DBH: variants seen among roughly 807,000 people sequenced by gnomAD.
DBH encodes dopamine beta-hydroxylase (dopamine beta-monooxygenase).
DBH carries 49 observed loss-of-function variants against 64.0 expected under a neutral mutation model. That is an observed-to-expected ratio of 0.77 (90% CI 0.61 to 0.97). DBH has a LOEUF of 0.97. Among genes scored for constraint, DBH ranks in the 50% least tolerant of loss-of-function variants. The pLI is 0.00. For synonymous variants in DBH, 343 were observed against 347.1 expected (o/e 0.99, Z 0.13); for missense variants, 828 against 826.6 (o/e 1.00, Z -0.02).
At chr9:133,641,762 G>A (rs1184962078) in intron 2 of DBH, among the ~76,000 whole-genome samples, 4 of 152,174 alleles carry the variant, frequency 2.6e-5, no homozygotes, top group Admixed American at 6.5e-5. Context: ...GCAGCTCAGC[G>A]TGACCATCAG....
At chr9:133,637,984 G>A (rs1832072336) in intron 1 of DBH, among the ~76,000 whole-genome samples, 2 of 152,200 alleles carry the variant, frequency 1.3e-5, no homozygotes, top group South Asian at 2.1e-4. Flanking sequence ...GAACCCCATC[G>A]CTGACAGTTT....
chr9:133,649,196 G>A (rs1051985316), intron 6 of DBH, among the ~76,000 whole-genome samples: 1 of 152,038 alleles, frequency 6.6e-6, no homozygotes, highest in Non-Finnish European at 1.5e-5. Context: ...TCCTATGCTC[G>A]GTTTTTCCAG....
rs1211498915 is a variant in DBH, at chr9:133,648,021, G to A, written c.1191+9G>A. Reference sequence around the variant, plus strand: ...ACAAGTGCACCCAGCTGGTGAGTGGGGCTGGGCCCGGCACTGCACCCTCCC... The same window carrying A: ...ACAAGTGCACCCAGCTGGTGAGTGGAGCTGGGCCCGGCACTGCACCCTCCC... On this transcript the variant is annotated intron_variant, in intron 6 of 11. Coordinates refer to ENST00000393056, the MANE Select transcript of DBH (RefSeq NM_000787.4). 2 of 1,608,276 alleles carry A rather than the reference G, an allele frequency of 1.2e-6. No homozygotes were observed. Among genetic ancestry groups the A allele is most frequent in the Admixed American group, 1.7e-5 (1 of 59,626 alleles).
At chr9:133,648,814 C>T (rs969276660) in intron 6 of DBH, among the ~76,000 whole-genome samples, 1 of 152,248 alleles carries the variant, frequency 6.6e-6, no homozygotes, top group African/African-American at 2.4e-5. Context: ...GCTGAACTGT[C>T]TCCCTATCAA....
intron 5 of DBH, among the ~76,000 whole-genome samples, chr9:133,644,973 A>ACG (rs1832165724): frequency 1.3e-5 from 2 of 151,826 alleles, no homozygotes; most frequent in Non-Finnish European, 2.9e-5. Flanking sequence ...ACACATGCAC[A>ACG]CATGTACACA....
At chr9:133,641,295 G>A (rs1832113480) in intron 2 of DBH, among the ~76,000 whole-genome samples, 1 of 152,224 alleles carries the variant, frequency 6.6e-6, no homozygotes. Context: ...CAGACCTGGT[G>A]CCAGAAGAGG....
intron 9 of DBH, 114 bp from the exon 10 acceptor site, chr9:133,656,409 C>T (rs932295678): frequency 2.6e-5 from 37 of 1,437,006 alleles, no homozygotes; most frequent in Middle Eastern, 1.7e-4. Context: ...ATGCCTGGCA[C>T]GGTGCAGTGA....
intron 2 of DBH, 95 bp from the exon 3 acceptor site, chr9:133,642,112 G>A (rs1832122609): frequency 6.6e-7 from 1 of 1,520,428 alleles, no homozygotes; most frequent in African/African-American, 1.4e-5. Context: ...TGTGTCACCT[G>A]GTAGGTGTGG....
At position 133,642,227 on chromosome 9, in the gene DBH, C is replaced by T. The variant is rs1273249884; in HGVS notation, c.507C>T (p.Val169=). 1.4e-5 allele frequency: 23 copies of T among 1,613,474 alleles called. No individual in the cohort carries two copies. Among genetic ancestry groups the T allele is most frequent in the East Asian group, 2.2e-5 (1 of 44,874 alleles). The change falls in exon 3 of 12, where the codon GTC becomes GTT. Residue 169 remains valine, a synonymous_variant. Coordinates refer to ENST00000393056, the MANE Select transcript of DBH (RefSeq NM_000787.4). ...TGCAGGACGGCACTGTCCACTTGGT[C>T]TACGGGATCCTGGAGGAGCCGTTCC... The part of the protein sequence containing the change: ...YLIEDGTVHL[V]YGILEEPFRS...
In DBH at chr9:133,656,370, T is replaced by G. The variant is rs984258820; in HGVS notation, c.1435-153T>G. ...CTCTCCTGCCAATGGTGGCAATTCC[T>G]TGAGGGCAGGGACTCGGTTCCCCAG... On this transcript the variant is annotated intron_variant, in intron 9 of 11. Coordinates refer to ENST00000393056, the MANE Select transcript of DBH (RefSeq NM_000787.4). 52 of 1,008,176 alleles carry G rather than the reference T, an allele frequency of 5.2e-5. No homozygotes were observed. In the African/African-American group the frequency reaches 7.1e-4, roughly 14 times the overall value. The allele number at this position is 1,008,176 out of a possible 1,614,324, so 62.5% of individuals were successfully genotyped here.
intron 2 of DBH, among the ~76,000 whole-genome samples, chr9:133,641,130 T>G (rs537580965): frequency 2.2e-4 from 33 of 152,286 alleles, no homozygotes; most frequent in African/African-American, 7.9e-4. Flanking sequence ...TGTAAACAAC[T>G]CTGGCCATCT....
chr9:133,644,844 T>A (rs763619551), intron 5 of DBH, among the ~76,000 whole-genome samples: 1 of 152,292 alleles, frequency 6.6e-6, no homozygotes, highest in Admixed American at 6.5e-5. Context: ...GCTTTTAGCA[T>A]GGCAAGGCCA....
At chr9:133,652,840 G>T in intron 8 of DBH, 100 bp from the exon 9 acceptor site, 1 of 814,116 alleles carries the variant, frequency 1.2e-6, no homozygotes, top group South Asian at 1.4e-5. Flanking sequence ...CCCCAGAGGT[G>T]CCGTGGCATG....
Position 133,652,229 on chromosome 9 carries a change from G to A in DBH, c.1336-17G>A, listed in dbSNP as rs748265833. 12 of 1,613,762 alleles carry A rather than the reference G, an allele frequency of 7.4e-6. No homozygotes were observed. The highest frequency in any genetic ancestry group is 1.3e-5 in the African/African-American group (1 of 75,024). On this transcript the variant is annotated splice_polypyrimidine_tract_variant and intron_variant, in intron 7 of 11. Transcript: ENST00000393056. ...TGAGGTCTCCTCTCCCCCACCCCTC[G>A]GCTCTGCCTGCCCCAGGAGATCCGC...
intron 5 of DBH, 39 bp from the exon 6 acceptor site, chr9:133,647,807 C>T: frequency 6.2e-7 from 1 of 1,613,212 alleles, no homozygotes. Context: ...AGAGGGCCTC[C>T]ACTTACCGCT....
At chr9:133,654,137 C>G (rs374491421) in intron 9 of DBH, among the ~76,000 whole-genome samples, 5 of 118,664 alleles carry the variant, frequency 4.2e-5, no homozygotes, top group African/African-American at 1.7e-4. Context: ...TTTTTTGAGA[C>G]GGAGTCTCGC....
intron 2 of DBH, among the ~76,000 whole-genome samples, chr9:133,641,395 G>A (rs552336176): frequency 2.0e-5 from 3 of 152,294 alleles, no homozygotes; most frequent in Admixed American, 1.3e-4. Context: ...CACCTCACAG[G>A]GGGAGGCCAA....
Position 133,658,331 on chromosome 9 carries a change from C to A in DBH, c.1738C>A (p.Gln580Lys), listed in dbSNP as rs764307266. 1 of 1,613,814 alleles carries A rather than the reference C, an allele frequency of 6.2e-7. No individual in the cohort carries two copies. The highest frequency in any genetic ancestry group is 1.1e-5 in the South Asian group (1 of 91,064). Residue 580 changes from glutamine (Q) to lysine (K), a missense_variant, in exon 12 of 12, where the codon CAG (glutamine) becomes AAG (lysine). Gln to Lys is a moderately conservative substitution (Grantham distance 53). Coordinates refer to ENST00000393056, the MANE Select transcript of DBH (RefSeq NM_000787.4). ...TTCCTTGCAGGGTGAATGGAACCTG[C>A]AGCCCCTGCCCAAGGTCATCTCCAC... is the stretch of plus-strand genomic sequence containing the variant. ...AVRFQGEWNL[Q>K]PLPKVISTLE...
rs1832148036 is a variant in DBH, at chr9:133,643,958, A to G, written c.922-260A>G. ...CGATGGGGGTCTCCCCAGCTCTTAC[A>G]CCCGTCTAGAGAAGGGGTTTTGGGG... On this transcript the variant is annotated intron_variant, in intron 4 of 11. Transcript: ENST00000393056. This position sits in a 1 kb window ranked among gnomAD's most constrained non-coding sequence, Gnocchi z 5.3. 1.3e-5 allele frequency among the ~76,000 whole-genome samples: 2 copies of G among 151,890 alleles called. No homozygotes were observed. The highest frequency in any genetic ancestry group is 1.3e-4 in the Admixed American group (2 of 15,248).
Sources: allele counts gnomAD v4.1 joint callset (sites outside exome capture counted in the v4.1 genomes callset), GRCh38; gene constraint gnomAD v4.1.1; non-coding constraint Gnocchi (gnomAD v3.1); transcripts MANE v1.5; gene names NCBI Gene and HGNC (gene_info 2026-07-23, HGNC 2026-07-21).